Variants in KANK1 observed in about 807,000 individuals in gnomAD.
The protein encoded by KANK1 is KN motif and ankyrin repeat domains 1.
A neutral mutation model predicts 106.2 loss-of-function variants in KANK1; 109 were observed. The ratio of observed to expected loss-of-function variants is 1.03; its 90% confidence interval spans 0.88 to 1.20. The LOEUF is 1.20. KANK1 is among the 50% of genes most tolerant of loss of function. KANK1 has a pLI of 0.00. For missense variants in KANK1, 2,399 were observed against 1,710.7 expected (o/e 1.40, Z -7.10); for synonymous variants, 873 against 652.2 (o/e 1.34, Z -5.16).
chr9:597,213 T>C (rs1240738141), intron 1 of KANK1, among the ~76,000 whole-genome samples: 1 of 151,810 alleles, frequency 6.6e-6, no homozygotes, highest in Non-Finnish European at 1.5e-5. Flanking sequence ...TGAGTCCCTG[T>C]TTTCAGTTCT....
At chr9:624,001 G>T (rs186010566) in intron 1 of KANK1, among the ~76,000 whole-genome samples, 2 of 152,134 alleles carry the variant, frequency 1.3e-5, no homozygotes, top group Non-Finnish European at 2.9e-5. Context: ...CTTAGGAATG[G>T]TTAAAGAAAA....
intron 1 of KANK1, among the ~76,000 whole-genome samples, chr9:624,681 C>T (rs1833933098): frequency 6.6e-6 from 1 of 152,028 alleles, no homozygotes; most frequent in Non-Finnish European, 1.5e-5. Flanking sequence ...TTCCTGTAGT[C>T]CCAGCTACTC....
chr9:520,562 A>G (rs1379984993), intron 1 of KANK1, among the ~76,000 whole-genome samples: 2 of 151,752 alleles, frequency 1.3e-5, no homozygotes, highest in Non-Finnish European at 2.9e-5. Flanking sequence ...GTTAGCGAAT[A>G]ATTGAAAACA....
At chr9:485,330 C>G (rs1258983337) in intron 3 of KANK1, among the ~76,000 whole-genome samples, 1 of 152,098 alleles carries the variant, frequency 6.6e-6, no homozygotes, top group East Asian at 1.9e-4. Flanking sequence ...ATTTACATAC[C>G]ATAAAATTCA....
intron 10 of KANK1, among the ~76,000 whole-genome samples, chr9:743,016 G>A (rs542511951): frequency 6.6e-6 from 1 of 152,132 alleles, no homozygotes; most frequent in Non-Finnish European, 1.5e-5. Context: ...ATAACTCCTT[G>A]ACCGGGAAAC....
At chr9:499,193 G>C (rs565467947) in intron 3 of KANK1, among the ~76,000 whole-genome samples, 2 of 149,184 alleles carry the variant, frequency 1.3e-5, no homozygotes, top group East Asian at 3.9e-4. Context: ...AAAAAAAAAA[G>C]TTAAACGCAG....
chr9:603,172 G>A (rs964754760), intron 1 of KANK1, among the ~76,000 whole-genome samples: 2 of 151,764 alleles, frequency 1.3e-5, no homozygotes, highest in African/African-American at 4.9e-5. Flanking sequence ...CCTCTGGACC[G>A]TGGCATTGTG....
intron 1 of KANK1, among the ~76,000 whole-genome samples, chr9:640,390 C>G (rs1030936150): frequency 5.9e-5 from 9 of 151,800 alleles, no homozygotes; most frequent in Non-Finnish European, 1.3e-4. Context: ...TGCATGCCAT[C>G]ACGCCCAGCT....
intron 1 of KANK1, among the ~76,000 whole-genome samples, chr9:532,750 G>A (rs534832783): frequency 6.6e-5 from 10 of 152,216 alleles, no homozygotes; most frequent in African/African-American, 9.6e-5. Flanking sequence ...TTGGAAGTGC[G>A]TAAAACTGCT....
intron 10 of KANK1, 39 bp from the exon 11 acceptor site, chr9:744,452 G>A (rs1219692284): frequency 6.3e-7 from 1 of 1,590,050 alleles, no homozygotes; most frequent in Admixed American, 1.7e-5. Context: ...GGAGGTTTGA[G>A]AAACCCAACA....
intron 3 of KANK1, among the ~76,000 whole-genome samples, chr9:478,882 A>C (rs183178280): frequency 1.3e-3 from 192 of 152,158 alleles, no homozygotes; most frequent in African/African-American, 4.6e-3. Flanking sequence ...TATGAAGAAG[A>C]CAAATCATCC....
chr9:684,379 C>T (rs1163814736), intron 2 of KANK1: 1 of 985,214 alleles, frequency 1.0e-6, no homozygotes, highest in African/African-American at 1.7e-5. Context: ...CTGGTACCAA[C>T]TTTATAGGTG....
chr9:742,067 C>G (rs1835734650), intron 9 of KANK1, 138 bp from the exon 10 acceptor site: 2 of 729,032 alleles, frequency 2.7e-6, no homozygotes, highest in Non-Finnish European at 4.7e-6. Flanking sequence ...TTGCCACCAC[C>G]TGCCCCAAGT....
intron 1 of KANK1, among the ~76,000 whole-genome samples, chr9:553,691 C>T (rs2061411023): frequency 6.6e-6 from 1 of 152,086 alleles, no homozygotes; most frequent in Admixed American, 6.6e-5. Flanking sequence ...AAAATATAAG[C>T]CAATTGTTCA....
intron 2 of KANK1, chr9:706,841 G>A (rs1213149911): frequency 2.0e-6 from 2 of 985,400 alleles, no homozygotes; most frequent in Non-Finnish European, 2.4e-6. Context: ...GTGACCGAGG[G>A]CTGGGCAGGA....
chr9:670,207 A>G (rs916327236), intron 1 of KANK1, among the ~76,000 whole-genome samples: 7 of 152,178 alleles, frequency 4.6e-5, no homozygotes, highest in African/African-American at 7.2e-5. Context: ...ATGAATCACC[A>G]TCTCATTAGG....
At chr9:693,811 AAGAG>A in intron 2 of KANK1, 2 of 985,368 alleles carry the variant, frequency 2.0e-6, no homozygotes, top group Non-Finnish European at 2.4e-6. Context: ...CCACAAAAGA[AAGAG>A]AGGAGGAGAG....
chr9:579,999 G>T (rs1463076876), intron 1 of KANK1, among the ~76,000 whole-genome samples: 1 of 152,136 alleles, frequency 6.6e-6, no homozygotes, highest in Admixed American at 6.5e-5. Flanking sequence ...TGGTCTCACA[G>T]ACTTCAAGAA....
chr9:480,690 T>C (rs2058187996), intron 3 of KANK1, among the ~76,000 whole-genome samples: 1 of 152,200 alleles, frequency 6.6e-6, no homozygotes, highest in African/African-American at 2.4e-5. Flanking sequence ...TGGAACATAC[T>C]TCCTCCTAAG....
Sources: gnomAD v4.1 joint callset for allele counts (sites outside exome capture counted in the v4.1 genomes callset) on GRCh38, gnomAD v4.1.1 for gene constraint, MANE v1.5 for transcripts, NCBI Gene and HGNC (gene_info 2026-07-23, HGNC 2026-07-21) for gene names.